GPC5: variants seen among roughly 807,000 people sequenced by gnomAD.
The protein encoded by GPC5 is glypican-5.
In GPC5, 47 loss-of-function variants were observed where a neutral mutation model predicts 53.9. The ratio of observed to expected loss-of-function variants is 0.87; its 90% confidence interval spans 0.69 to 1.11. The LOEUF is 1.11. GPC5 is among the 50% of genes most tolerant of loss of function. The pLI is 0.00. For synonymous variants in GPC5, 286 were observed against 263.3 expected, an observed-to-expected ratio of 1.09 and a Z score of -0.84; for missense variants, 748 against 713.1, an observed-to-expected ratio of 1.05 and a Z score of -0.56.
At chr13:91,402,208 A>G (rs1042229083) in intron 1 of GPC5, among the ~76,000 whole-genome samples, 1 of 152,166 alleles carries the variant, frequency 6.6e-6, no homozygotes, top group Non-Finnish European at 1.5e-5. Context: ...TGAAATATGC[A>G]TGTTTGTTGA....
chr13:92,626,097 T>C (rs1246775031), intron 7 of GPC5, among the ~76,000 whole-genome samples: 11 of 152,266 alleles, frequency 7.2e-5, no homozygotes, highest in African/African-American at 2.7e-4. Context: ...TTTTGAATTG[T>C]ATTTTACAAT....
chr13:92,147,296 C>G (rs1262345293), intron 7 of GPC5, among the ~76,000 whole-genome samples: 1 of 151,770 alleles, frequency 6.6e-6, no homozygotes, highest in Admixed American at 6.6e-5. Context: ...TTCATCCTAT[C>G]TGGAGTATTT....
At chr13:92,802,274 C>T (rs572912264) in intron 7 of GPC5, among the ~76,000 whole-genome samples, 1 of 151,870 alleles carries the variant, frequency 6.6e-6, no homozygotes, top group South Asian at 2.1e-4. Context: ...CCTAGGTAGG[C>T]TATAGTATCT....
At chr13:91,783,803 T>C (rs548544) in intron 5 of GPC5, among the ~76,000 whole-genome samples, 112,018 of 152,022 alleles carry the variant, frequency 0.74, 41,575 homozygotes, top group East Asian at 0.9. Context: ...TTGAAGTATT[T>C]GTGTTAAAAG....
chr13:91,709,956 G>A (rs1338218576), intron 3 of GPC5, among the ~76,000 whole-genome samples: 3 of 152,120 alleles, frequency 2.0e-5, no homozygotes, highest in African/African-American at 4.8e-5. Context: ...CCTTTGTAGC[G>A]ATACCACCCT....
chr13:92,715,963 T>C (rs1303759469), intron 7 of GPC5, among the ~76,000 whole-genome samples: 1 of 152,232 alleles, frequency 6.6e-6, no homozygotes, highest in Non-Finnish European at 1.5e-5. Flanking sequence ...ATGGTGATTT[T>C]AACATGTAGT....
intron 7 of GPC5, among the ~76,000 whole-genome samples, chr13:92,445,579 T>C (rs1301812511): frequency 4.7e-5 from 7 of 149,450 alleles, no homozygotes; most frequent in African/African-American, 1.2e-4. Flanking sequence ...GGTTTTTTGT[T>C]CTTGTGATAG....
chr13:91,563,389 A>C (rs866094424), intron 2 of GPC5, among the ~76,000 whole-genome samples: 15 of 152,278 alleles, frequency 9.9e-5, no homozygotes, highest in Middle Eastern at 3.4e-3. Context: ...AAAAATTCTG[A>C]ATCAGACACT....
At chr13:91,415,439 C>A (rs1878134957) in intron 1 of GPC5, among the ~76,000 whole-genome samples, 1 of 152,172 alleles carries the variant, frequency 6.6e-6, no homozygotes, top group African/African-American at 2.4e-5. Context: ...AGACCTTTCA[C>A]AACTCCCAAC....
chr13:92,520,808 G>A (rs1320416131), intron 7 of GPC5, among the ~76,000 whole-genome samples: 1 of 152,058 alleles, frequency 6.6e-6, no homozygotes, highest in Non-Finnish European at 1.5e-5. Flanking sequence ...AAGAAATAAA[G>A]GGTATTCAAT....
intron 7 of GPC5, among the ~76,000 whole-genome samples, chr13:92,426,353 A>C (rs1876834279): frequency 6.6e-6 from 1 of 152,012 alleles, no homozygotes; most frequent in African/African-American, 2.4e-5. Context: ...CAGATCCTAC[A>C]AAAAAGATTG....
intron 7 of GPC5, among the ~76,000 whole-genome samples, chr13:92,865,566 T>C (rs1879311118): frequency 1.3e-5 from 2 of 151,966 alleles, no homozygotes; most frequent in South Asian, 2.1e-4. Context: ...GAGGAAGAAA[T>C]GTTTTAGACC....
chr13:92,793,347 G>T (rs1193013468), intron 7 of GPC5, among the ~76,000 whole-genome samples: 2 of 152,146 alleles, frequency 1.3e-5, no homozygotes, highest in East Asian at 1.9e-4. Context: ...TGAGAACAAA[G>T]ACAGAATGTA....
At chr13:92,527,193 GAAAGA>G (rs1424688983) in intron 7 of GPC5, among the ~76,000 whole-genome samples, 2 of 21,036 alleles carry the variant, frequency 9.5e-5, no homozygotes, top group Non-Finnish European at 1.5e-4. Flanking sequence ...AAGAAAGAAA[GAAAGA>G]AAGAAAGAAA....
chr13:91,973,458 C>A (rs2040264506), intron 6 of GPC5, among the ~76,000 whole-genome samples: 1 of 152,230 alleles, frequency 6.6e-6, no homozygotes, highest in African/African-American at 2.4e-5. Flanking sequence ...GAGCCTTCTT[C>A]TCTCAACTCG....
At chr13:91,986,331 C>T (rs2040408243) in intron 6 of GPC5, among the ~76,000 whole-genome samples, 1 of 152,100 alleles carries the variant, frequency 6.6e-6, no homozygotes, top group South Asian at 2.1e-4. Flanking sequence ...TCCCAAAGTG[C>T]TGGGATTACA....
intron 5 of GPC5, among the ~76,000 whole-genome samples, chr13:91,771,709 C>A (rs936377010): frequency 4.6e-5 from 7 of 151,766 alleles, no homozygotes; most frequent in Admixed American, 2.0e-4. Flanking sequence ...TTTACCAAGT[C>A]CTTTTAGTTG....
intron 7 of GPC5, among the ~76,000 whole-genome samples, chr13:92,424,889 G>A (rs1233696749): frequency 6.6e-6 from 1 of 151,994 alleles, no homozygotes; most frequent in Non-Finnish European, 1.5e-5. Context: ...ACGTGAACTA[G>A]GTGGTGGGGA....
At chr13:92,575,231 T>C (rs992890355) in intron 7 of GPC5, among the ~76,000 whole-genome samples, 3 of 152,280 alleles carry the variant, frequency 2.0e-5, no homozygotes, top group African/African-American at 7.2e-5. Flanking sequence ...TACTTGGAAA[T>C]AGGGTCTTTG....
Sources: gnomAD v4.1 joint callset for allele counts (sites outside exome capture counted in the v4.1 genomes callset) on GRCh38, gnomAD v4.1.1 for gene constraint, MANE v1.5 for transcripts, NCBI Gene and HGNC (gene_info 2026-07-23, HGNC 2026-07-21) for gene names.